The following ABI1 variants were observed in gnomAD, a reference collection of about 807,000 sequenced individuals.
ABI1 encodes the protein Abelson interactor 1.
A neutral mutation model predicts 54.6 loss-of-function variants in ABI1; 14 were observed. That is an observed-to-expected ratio of 0.26 (90% CI 0.17 to 0.40). ABI1 has a LOEUF of 0.40. Among genes scored for constraint, ABI1 ranks in the 10% least tolerant of loss-of-function variants. The probability of loss-of-function intolerance (pLI) is 1.00; values close to 1 mark genes in which losing one functional copy is unlikely to be tolerated. For missense variants in ABI1, 443 were observed against 598.3 expected (o/e 0.74, Z 2.71); for synonymous variants, 194 against 209.3 (o/e 0.93, Z 0.63).
chr10:26,834,968 T>C (rs1436117960), intron 1 of ABI1, among the ~76,000 whole-genome samples: 1 of 151,504 alleles, frequency 6.6e-6, no homozygotes, highest in Admixed American at 6.6e-5. Flanking sequence ...TCAGGTGTGG[T>C]GGCACTCACC....
At chr10:26,794,519 T>A (rs2133251071) in intron 2 of ABI1, among the ~76,000 whole-genome samples, 1 of 151,958 alleles carries the variant, frequency 6.6e-6, no homozygotes, top group East Asian at 1.9e-4. Flanking sequence ...TAGGTGGTTG[T>A]ACCATTTACT....
intron 1 of ABI1, chr10:26,839,779 T>C: frequency 2.9e-6 from 2 of 701,046 alleles, no homozygotes; most frequent in Non-Finnish European, 5.2e-6. Context: ...AGCAAAACCA[T>C]GTCTCTACAG....
chr10:26,845,786 C>A lies in ABI1; in HGVS notation c.117+14961G>T, dbSNP rs1248081903. On this transcript the variant is annotated intron_variant, in intron 1 of 10. Coordinates refer to ENST00000376140, the MANE Select transcript of ABI1 (RefSeq NM_001012750.3). ...ACAAATCCCAATAGCCTCAAATACT[C>A]CTCTTTTTAGAAAAGAAAAATAATA... Among the ~76,000 whole-genome samples, 5 of 148,774 alleles carry A rather than the reference C, an allele frequency of 3.4e-5. No homozygotes were observed. In the East Asian group the frequency reaches 8.0e-4, roughly 24 times the overall value.
At chr10:26,802,944 A>G (rs577685019) in intron 2 of ABI1, among the ~76,000 whole-genome samples, 1 of 152,356 alleles carries the variant, frequency 6.6e-6, no homozygotes, top group South Asian at 2.1e-4. Context: ...ACAGAACAGG[A>G]GAGAAAAAGG....
At chr10:26,823,835 T>C (rs1447933737) in intron 1 of ABI1, among the ~76,000 whole-genome samples, 5 of 151,966 alleles carry the variant, frequency 3.3e-5, no homozygotes, top group Admixed American at 2.0e-4. Context: ...CAAACTCCTA[T>C]AGATAACTCA....
intron 2 of ABI1, among the ~76,000 whole-genome samples, chr10:26,797,523 C>T (rs758786540): frequency 1.3e-4 from 20 of 152,042 alleles, no homozygotes; most frequent in Non-Finnish European, 2.5e-4. Context: ...AAATGAAGTC[C>T]AAAGATAACA....
At chr10:26,850,475 C>T (rs534396938) in intron 1 of ABI1, among the ~76,000 whole-genome samples, 3 of 151,624 alleles carry the variant, frequency 2.0e-5, no homozygotes, top group Non-Finnish European at 2.9e-5. Context: ...CTGGCCAACA[C>T]GGTGAAACCC....
intron 1 of ABI1, among the ~76,000 whole-genome samples, chr10:26,839,066 A>G (rs1046721608): frequency 2.0e-5 from 3 of 152,258 alleles, no homozygotes; most frequent in Admixed American, 1.3e-4. Flanking sequence ...ATAACTGAGC[A>G]TGTTTTTGAT....
chr10:26,779,851 G>T (rs1841883627), intron 2 of ABI1, among the ~76,000 whole-genome samples: 2 of 151,928 alleles, frequency 1.3e-5, no homozygotes, highest in Non-Finnish European at 2.9e-5. Flanking sequence ...AAACTCCCTT[G>T]GACACCAACC....
chr10:26,824,413 G>A (rs1377869483), intron 1 of ABI1, among the ~76,000 whole-genome samples: 1 of 152,132 alleles, frequency 6.6e-6, no homozygotes, highest in African/African-American at 2.4e-5. Context: ...AAAACCATAT[G>A]TACACAGTTA....
At chr10:26,760,098 A>G (rs1838931490) in intron 7 of ABI1, among the ~76,000 whole-genome samples, 1 of 151,804 alleles carries the variant, frequency 6.6e-6, no homozygotes, top group Non-Finnish European at 1.5e-5. Context: ...AAAAAAAAAA[A>G]TTAGCATGCT....
chr10:26,857,627 G>C (rs1348136640), intron 1 of ABI1, among the ~76,000 whole-genome samples: 1 of 140,244 alleles, frequency 7.1e-6, no homozygotes, highest in Non-Finnish European at 1.5e-5. Flanking sequence ...CTGAGCAACA[G>C]AGCAAGACTG....
intron 2 of ABI1, among the ~76,000 whole-genome samples, chr10:26,804,658 T>C (rs190225336): frequency 9.2e-5 from 14 of 152,324 alleles, no homozygotes; most frequent in Admixed American, 7.8e-4. Flanking sequence ...AAATGCTTTA[T>C]AAGCAATTCC....
At chr10:26,819,292 C>T (rs1564538516) in intron 2 of ABI1, among the ~76,000 whole-genome samples, 3 of 152,060 alleles carry the variant, frequency 2.0e-5, no homozygotes, top group Admixed American at 1.3e-4. Context: ...TGGTTGTATT[C>T]ATATCAGACA....
At position 26,860,205 on chromosome 10, in the gene ABI1, T is replaced by G. The variant is rs749120162; in HGVS notation, c.117+542A>C. Among the ~76,000 whole-genome samples, 1 of 152,118 alleles carries G rather than the reference T, an allele frequency of 6.6e-6. No individual in the cohort carries two copies. On this transcript the variant is annotated intron_variant, in intron 1 of 10. Transcript: ENST00000376140. The surrounding 1 kb of genome is among the most constrained non-coding windows in gnomAD (Gnocchi z 4.1). ...AATAAAAGACACACCCTCTGGGGGC[T>G]GAAACTGACATAATCGCCCCCACCC...
chr10:26,848,193 C>G (rs11015339), intron 1 of ABI1, among the ~76,000 whole-genome samples: 3 of 121,270 alleles, frequency 2.5e-5, no homozygotes, highest in East Asian at 2.3e-4. Context: ...AGAGCGAGAC[C>G]CTGTCTCAAA....
intron 1 of ABI1, among the ~76,000 whole-genome samples, chr10:26,827,335 C>T (rs1380692527): frequency 6.6e-6 from 1 of 151,828 alleles, no homozygotes; most frequent in Non-Finnish European, 1.5e-5. Context: ...CATTCTCCTG[C>T]CTCAGCCTCC....
At chr10:26,820,611 A>T (rs1292412429) in intron 2 of ABI1, among the ~76,000 whole-genome samples, 1 of 147,554 alleles carries the variant, frequency 6.8e-6, no homozygotes, top group Admixed American at 6.8e-5. Flanking sequence ...TTTTTGAGAT[A>T]GAGTTTTGCT....
intron 2 of ABI1, among the ~76,000 whole-genome samples, chr10:26,792,081 C>T (rs1369099766): frequency 6.6e-6 from 1 of 152,108 alleles, no homozygotes; most frequent in African/African-American, 2.4e-5. Flanking sequence ...TTTAGTGATA[C>T]ACATACATGC....
Sources: allele counts gnomAD v4.1 joint callset (sites outside exome capture counted in the v4.1 genomes callset), GRCh38; gene constraint gnomAD v4.1.1; non-coding constraint Gnocchi (gnomAD v3.1); transcripts MANE v1.5; gene names NCBI Gene and HGNC (gene_info 2026-07-23, HGNC 2026-07-21).